The following PRKAG2 variants were observed in gnomAD, a reference collection of about 807,000 sequenced individuals.
PRKAG2 encodes protein kinase AMP-activated non-catalytic subunit gamma 2.
A neutral mutation model predicts 69.6 loss-of-function variants in PRKAG2; 26 were observed. The observed-to-expected ratio is 0.37, with a 90% confidence interval of 0.27 to 0.52. PRKAG2 has a LOEUF of 0.52. PRKAG2 is among the 20% of genes least tolerant of loss of function. The pLI is 0.90. For missense variants in PRKAG2, 557 were observed against 740.0 expected, an observed-to-expected ratio of 0.75 and a Z score of 2.87; for synonymous variants, 293 against 285.0, an observed-to-expected ratio of 1.03 and a Z score of -0.28.
At chr7:151,620,092 G>A (rs1399260220) in intron 5 of PRKAG2, among the ~76,000 whole-genome samples, 7 of 151,976 alleles carry the variant, frequency 4.6e-5, no homozygotes, top group Non-Finnish European at 8.8e-5. Flanking sequence ...CCAGTTCCAC[G>A]CATTTGGGAG....
At chr7:151,617,379 C>A (rs921875357) in intron 5 of PRKAG2, among the ~76,000 whole-genome samples, 4 of 151,584 alleles carry the variant, frequency 2.6e-5, no homozygotes, top group Non-Finnish European at 4.4e-5. Flanking sequence ...TGCAAATAAT[C>A]CGAGTGTGGG....
chr7:151,775,254 G>A (rs193043064), intron 3 of PRKAG2, among the ~76,000 whole-genome samples: 29 of 152,242 alleles, frequency 1.9e-4, no homozygotes, highest in South Asian at 8.3e-4. Flanking sequence ...TTTCTCCTGC[G>A]TGATCCTACC....
chr7:151,577,204 G>C (rs1212889640), intron 6 of PRKAG2, among the ~76,000 whole-genome samples: 1 of 150,696 alleles, frequency 6.6e-6, no homozygotes, highest in Non-Finnish European at 1.5e-5. Flanking sequence ...CCAAGGTTGA[G>C]GAAAAAAAAA....
chr7:151,686,672 G>A (rs1834791175), intron 3 of PRKAG2, among the ~76,000 whole-genome samples: 1 of 152,244 alleles, frequency 6.6e-6, no homozygotes, highest in South Asian at 2.1e-4. Flanking sequence ...CTCCAGCCCT[G>A]CCCCTGCAGG....
intron 9 of PRKAG2, 89 bp downstream of exon 9, chr7:151,572,575 G>A: frequency 3.1e-6 from 3 of 955,772 alleles, no homozygotes; most frequent in Non-Finnish European, 5.0e-6. Flanking sequence ...GGAGCAGAGA[G>A]AAAAGGATCT....
At chr7:151,558,183 A>C in intron 15 of PRKAG2, 1 of 985,440 alleles carries the variant, frequency 1.0e-6, no homozygotes, top group Non-Finnish European at 1.2e-6. Flanking sequence ...TGTTGCTAAA[A>C]ACTTTTTTGA....
chr7:151,827,275 GT>G (rs1430283417), intron 1 of PRKAG2, among the ~76,000 whole-genome samples: 1 of 152,118 alleles, frequency 6.6e-6, no homozygotes, highest in African/African-American at 2.4e-5. Flanking sequence ...GTCTCACTCT[GT>G]TGCCTAGGCT....
intron 1 of PRKAG2, among the ~76,000 whole-genome samples, chr7:151,864,348 G>A (rs763076561): frequency 3.9e-5 from 6 of 152,206 alleles, no homozygotes; most frequent in African/African-American, 9.6e-5. Flanking sequence ...GCCATGCGAC[G>A]TGGCAGGTCA....
Position 151,556,787 on chromosome 7 carries a change from T to C in PRKAG2, c.*414A>G. 5.6e-6 allele frequency: 1 copy of C among 178,220 alleles called. No homozygotes were observed. Among genetic ancestry groups the C allele is most frequent in the South Asian group, 1.2e-4 (1 of 8,598 alleles). 11.0% of individuals were successfully genotyped at this position (178,220 alleles called of 1,614,324 possible). On this transcript the variant is annotated 3_prime_UTR_variant, in exon 16 of 16. Transcript: ENST00000287878. ...AGACTTCCACATTCAAGCTCGGTGT[T>C]GTTTCACACGCGTGCGCCCCGGCTG...
rs550291044 is a variant in PRKAG2 at position 151,609,786 on chromosome 7, G to C, written c.755-14332C>G. The stretch of plus-strand genomic sequence containing the variant: ...GGGAATGGTTACTCCAATTTCAGAA[G>C]GGGTTGGCCTCAACTAGAAAAGGAA... On this transcript the variant is annotated intron_variant, in intron 5 of 15. Transcript: ENST00000287878. 3.3e-5 allele frequency among the ~76,000 whole-genome samples: 5 copies of C among 152,316 alleles called. No individual in the cohort carries two copies. In the South Asian group the frequency reaches 1.0e-3, roughly 32 times the overall value.
chr7:151,581,656 T>C (rs1446019731), intron 6 of PRKAG2, among the ~76,000 whole-genome samples: 1 of 152,252 alleles, frequency 6.6e-6, no homozygotes, highest in Non-Finnish European at 1.5e-5. Flanking sequence ...TGATATTTAA[T>C]GTTTACACCT....
chr7:151,841,077 C>T (rs1049207292), intron 1 of PRKAG2, among the ~76,000 whole-genome samples: 1 of 152,208 alleles, frequency 6.6e-6, no homozygotes, highest in East Asian at 1.9e-4. Flanking sequence ...CACCCTTGGC[C>T]TCCTGGATTC....
intron 1 of PRKAG2, among the ~76,000 whole-genome samples, chr7:151,800,263 C>T (rs1354719654): frequency 1.3e-5 from 2 of 150,456 alleles, no homozygotes; most frequent in Non-Finnish European, 2.9e-5. Context: ...GAGGCTGAGG[C>T]AGGAGAATGG....
At chr7:151,703,233 C>T (rs1230995815) in intron 3 of PRKAG2, among the ~76,000 whole-genome samples, 1 of 152,252 alleles carries the variant, frequency 6.6e-6, no homozygotes, top group African/African-American at 2.4e-5. Flanking sequence ...TTCTCCGTCA[C>T]AGTGAATGGC....
chr7:151,640,157 A>G lies in PRKAG2; in HGVS notation c.685-8019T>C, dbSNP rs139772285. ...GAAACAATGTCTCTATGAAAAAAAC[A>G]AAAATTAGCCGGGTATGGGGCATGC... On this transcript the variant is annotated intron_variant, in intron 4 of 15. Coordinates refer to ENST00000287878, the MANE Select transcript of PRKAG2 (RefSeq NM_016203.4). 5.3e-3 allele frequency among the ~76,000 whole-genome samples: 809 copies of G among 152,260 alleles called. 7 individuals are homozygous for G. Among genetic ancestry groups the G allele is most frequent in the African/African-American group, 0.018 (756 of 41,542 alleles).
In PRKAG2 at chr7:151,560,620, G is replaced by A. The variant is rs1804723787; in HGVS notation, c.1585-3C>T. ...TTTACCACCACCAGCCGATGGACCT[G>A]CAAAGAGAAAAGCAGGACACGTGAA... On this transcript the variant is annotated splice_polypyrimidine_tract_variant and splice_region_variant and intron_variant, in intron 14 of 15. Coordinates refer to ENST00000287878, the MANE Select transcript of PRKAG2 (RefSeq NM_016203.4). The A allele has an allele frequency of 6.2e-7, 1 of 1,613,976 alleles. No homozygotes were observed. Among genetic ancestry groups the A allele is most frequent in the South Asian group, 1.1e-5 (1 of 91,078 alleles).
chr7:151,781,196 G>A lies in PRKAG2; in HGVS notation c.422C>T (p.Ala141Val). ...SKESSPNSNP[A>V]TSPGGIRFFS... is the part of the protein sequence containing the mutation. ...AAACCTGATGCCCCCGGGCGAGGTA[G>A]CAGGGTTGGAGTTGGGGGAAGACTC... Residue 141 changes from alanine (A) to valine (V), a missense_variant, in exon 3 of 16, where the codon GCT (alanine) becomes GTT (valine). This residue lies in a region of PRKAG2 where 352 missense variants were observed against 356.7 expected (regional missense o/e 0.99). Coordinates refer to ENST00000287878, the MANE Select transcript of PRKAG2 (RefSeq NM_016203.4). This position sits in a 1 kb window ranked among gnomAD's most constrained non-coding sequence, Gnocchi z 6.1. The A allele has an allele frequency of 1.2e-6, 2 of 1,614,126 alleles. No homozygotes were observed. The highest frequency in any genetic ancestry group is 4.5e-5 in the East Asian group (2 of 44,872).
At chr7:151,747,918 C>CT (rs34915377) in intron 3 of PRKAG2, among the ~76,000 whole-genome samples, 3,470 of 114,188 alleles carry the variant, frequency 0.03, 110 homozygotes, top group East Asian at 0.15. Flanking sequence ...AAAAAACTTA[C>CT]TTTTTTTTTT....
chr7:151,561,368 T>C (rs898220347), intron 14 of PRKAG2, among the ~76,000 whole-genome samples: 2 of 152,238 alleles, frequency 1.3e-5, no homozygotes, highest in African/African-American at 4.8e-5. Context: ...TATTAATACA[T>C]GGGAGAGAAG....
Sources: gnomAD v4.1 joint callset for allele counts (sites outside exome capture counted in the v4.1 genomes callset) on GRCh38, gnomAD v4.1.1 for gene constraint, gnomAD v4.1.1 regional missense constraint, Gnocchi (gnomAD v3.1) non-coding constraint, MANE v1.5 for transcripts, NCBI Gene and HGNC (gene_info 2026-07-23, HGNC 2026-07-21) for gene names.